Variants in IRF4 observed in about 807,000 individuals in gnomAD.
IRF4 encodes lymphocyte-specific interferon regulatory factor.
A neutral mutation model predicts 55.5 loss-of-function variants in IRF4; 13 were observed. The ratio of observed to expected loss-of-function variants is 0.23; its 90% confidence interval spans 0.15 to 0.37. The LOEUF is 0.37. Ranked by LOEUF, IRF4 falls within the 10% of genes least tolerant of loss-of-function variation. The pLI, the probability that IRF4 is intolerant of heterozygous loss-of-function variation, is 1.00. For missense variants in IRF4, 397 were observed against 593.8 expected (o/e 0.67, Z 3.44); for synonymous variants, 249 against 240.7 (o/e 1.03, Z -0.32).
Position 410,046 on chromosome 6 carries a change from T to A in IRF4, c.*2448T>A, listed in dbSNP as rs187292345. 71 of 227,072 alleles carry A rather than the reference T, an allele frequency of 3.1e-4. No homozygotes were observed. In the East Asian group the frequency reaches 4.3e-3, roughly 14 times the overall value. The allele number at this position is 227,072 out of a possible 1,614,324, so 14.1% of individuals were successfully genotyped here. A position where few individuals can be genotyped will look rare whatever the true frequency, so the allele number is the denominator to read the frequency against. ...GGTATGACCTAGGGAATGAACTAGC[T>A]ATGAAATACTCAGGGTTAGGAATCC... On this transcript the variant is annotated 3_prime_UTR_variant, in exon 9 of 9. Transcript: ENST00000380956.
intron 6 of IRF4, among the ~76,000 whole-genome samples, chr6:399,334 G>T (rs761109062): frequency 3.9e-5 from 6 of 152,128 alleles, no homozygotes; most frequent in Non-Finnish European, 5.9e-5. Flanking sequence ...CTTCCAGGTT[G>T]AGCCACAAAT....
Position 396,020 on chromosome 6 carries a change from C to T in IRF4, c.492+85C>T, listed in dbSNP as rs934455833. The stretch of plus-strand genomic sequence containing the variant: ...GGCCAGAGAACCACAGCAGCCCAGA[C>T]AGCAGAACTTGCCATTTGCTATGGC... On this transcript the variant is annotated intron_variant, in intron 4 of 8. Transcript: ENST00000380956. 6.5e-6 allele frequency: 7 copies of T among 1,082,774 alleles called. No homozygotes were observed. In the African/African-American group the frequency reaches 1.1e-4, roughly 17 times the overall value. 67.1% of individuals were successfully genotyped at this position (1,082,774 alleles called of 1,614,324 possible). A position where few individuals can be genotyped will look rare whatever the true frequency, so the allele number is the denominator to read the frequency against.
intron 8 of IRF4, 98 bp from the exon 9 acceptor site, chr6:407,357 G>T: frequency 8.7e-7 from 1 of 1,153,816 alleles, no homozygotes; most frequent in Non-Finnish European, 1.2e-6. Flanking sequence ...TGTAACTTTG[G>T]GCTTTACGTT....
At chr6:398,276 T>TTC (rs1237662919) in intron 5 of IRF4, among the ~76,000 whole-genome samples, 1 of 152,238 alleles carries the variant, frequency 6.6e-6, no homozygotes, top group East Asian at 1.9e-4. Flanking sequence ...GAGACCTGTC[T>TTC]TGAAGCATCG....
chr6:393,926 T>G lies in IRF4; in HGVS notation c.216+558T>G, dbSNP rs1761190695. Among the ~76,000 whole-genome samples the G allele has an allele frequency of 6.6e-6, 1 of 152,174 alleles. No homozygotes were observed. The highest frequency in any genetic ancestry group is 2.4e-5 in the African/African-American group (1 of 41,450). ...GGTACTCCCACCTCTGTCTTTCTCT[T>G]TGTGTGTCTCTGTCTCTCTCTTTCC... On this transcript the variant is annotated intron_variant, in intron 2 of 8. Transcript: ENST00000380956. The surrounding 1 kb of genome is among the most constrained non-coding windows in gnomAD (Gnocchi z 5.4).
At chr6:392,718 G>A (rs1157335328) in intron 1 of IRF4, among the ~76,000 whole-genome samples, 2 of 152,190 alleles carry the variant, frequency 1.3e-5, no homozygotes, top group Non-Finnish European at 2.9e-5. Flanking sequence ...CGGGTTGGGA[G>A]TGAGCGAAGG....
chr6:409,084 T>C lies in IRF4; in HGVS notation c.*1486T>C. 1 of 216,706 alleles carries C rather than the reference T, an allele frequency of 4.6e-6. No individual in the cohort carries two copies. The highest frequency in any genetic ancestry group is 6.7e-5 in the East Asian group (1 of 14,864). The allele number at this position is 216,706 out of a possible 1,614,324, so 13.4% of individuals were successfully genotyped here. On this transcript the variant is annotated 3_prime_UTR_variant, in exon 9 of 9. Transcript: ENST00000380956. ...TATTACTCCCAGGATCAGCAGAAGA[T>C]TGCGTAGCTCTCAAATGTGTGTTCC...
chr6:407,129 AT>A (rs1761566882), intron 8 of IRF4, among the ~76,000 whole-genome samples: 1 of 152,228 alleles, frequency 6.6e-6, no homozygotes, highest in Non-Finnish European at 1.5e-5. Flanking sequence ...TACCCTGCAG[AT>A]TCCCTCAGAC....
chr6:400,159 T>G (rs555739154), intron 6 of IRF4, among the ~76,000 whole-genome samples: 3 of 152,318 alleles, frequency 2.0e-5, no homozygotes, highest in South Asian at 4.1e-4. Context: ...GGGTTAAGTC[T>G]CAAAACCTGC....
In IRF4 at chr6:393,010, G is replaced by A. The variant is rs1238126317; in HGVS notation, c.-55-88G>A. On this transcript the variant is annotated intron_variant, in intron 1 of 8. Transcript: ENST00000380956. This position sits in a 1 kb window ranked among gnomAD's most constrained non-coding sequence, Gnocchi z 5.4. ...GCGCTTCGCAGCCTCAAAGACTCCGGGGCCTCGTGGTCACTGGCGCAGGGG... is the reference window on the plus strand; with the variant it reads ...GCGCTTCGCAGCCTCAAAGACTCCGAGGCCTCGTGGTCACTGGCGCAGGGG... 2.7e-6 allele frequency: 2 copies of A among 737,804 alleles called. No individual in the cohort carries two copies. The highest frequency in any genetic ancestry group is 1.8e-5 in the African/African-American group (1 of 54,376). The allele number at this position is 737,804 out of a possible 1,614,324, so 45.7% of individuals were successfully genotyped here. A position where few individuals can be genotyped will look rare whatever the true frequency, so the allele number is the denominator to read the frequency against.
At chr6:392,035 C>T (rs1273736806) in intron 1 of IRF4, 2 of 346,820 alleles carry the variant, frequency 5.8e-6, no homozygotes, top group Non-Finnish European at 1.2e-5. Context: ...CCGAGCCTCC[C>T]CGCCTGCCCT....
Position 408,469 on chromosome 6 carries a change from G to A in IRF4, c.*871G>A, listed in dbSNP as rs1263406487. ...CCTATTTTCTTGAGTCAAAAAACAT[G>A]AGCGCTACTCTTGGATGGGACATTT... is the stretch of plus-strand genomic sequence containing the variant. On this transcript the variant is annotated 3_prime_UTR_variant, in exon 9 of 9. Transcript: ENST00000380956. 1 of 229,898 alleles carries A rather than the reference G, an allele frequency of 4.3e-6. No homozygotes were observed. Among genetic ancestry groups the A allele is most frequent in the African/African-American group, 2.2e-5 (1 of 45,222 alleles). The allele number at this position is 229,898 out of a possible 1,614,324, so 14.2% of individuals were successfully genotyped here.
chr6:409,873 C>T lies in IRF4; in HGVS notation c.*2275C>T. The T allele has an allele frequency of 4.4e-6, 1 of 228,998 alleles. No individual in the cohort carries two copies. The highest frequency in any genetic ancestry group is 8.7e-6 in the Non-Finnish European group (1 of 115,190). 14.2% of individuals were successfully genotyped at this position (228,998 alleles called of 1,614,324 possible). A position where few individuals can be genotyped will look rare whatever the true frequency, so the allele number is the denominator to read the frequency against. ...ATGCTCCATTTCAATTGCTTTGTGA[C>T]TTCTTCTTCTTTGTTTTTTTAAATA... On this transcript the variant is annotated 3_prime_UTR_variant, in exon 9 of 9. Transcript: ENST00000380956.
chr6:396,934 TCTCCTGCACTCCTTTAC>T (rs376629608), intron 4 of IRF4, among the ~76,000 whole-genome samples, 157 bp from the exon 5 acceptor site: 67 of 113,634 alleles, frequency 5.9e-4, no homozygotes, highest in East Asian at 4.2e-3. Context: ...TATCTCAGCC[TCTCCTGCACTCCTTTAC>T]CCCCGTCTCG....
chr6:392,480 C>T (rs781221777), intron 1 of IRF4, among the ~76,000 whole-genome samples: 5 of 152,282 alleles, frequency 3.3e-5, no homozygotes, highest in Non-Finnish European at 7.3e-5. Flanking sequence ...GGGCTGCAGC[C>T]CCCGCGTCTG....
At position 410,125 on chromosome 6, in the gene IRF4, A is replaced by G. The variant is rs186804354; in HGVS notation, c.*2527A>G. 6.0e-4 allele frequency: 137 copies of G among 227,892 alleles called. No individual in the cohort carries two copies. The highest frequency in any genetic ancestry group is 5.9e-4 in the Non-Finnish European group (68 of 114,616). The allele number at this position is 227,892 out of a possible 1,614,324, so 14.1% of individuals were successfully genotyped here. On this transcript the variant is annotated 3_prime_UTR_variant, in exon 9 of 9. Transcript: ENST00000380956. ...AACGGCTTCCTCATTCCTTGTCTTG[A>G]TAAAGTGGAATTGGCAAACTAGAAT...
rs1391554407 is a variant in IRF4 at position 404,035 on chromosome 6, G to A, written c.1100-983G>A. On this transcript the variant is annotated intron_variant, in intron 7 of 8. Coordinates refer to ENST00000380956, the MANE Select transcript of IRF4 (RefSeq NM_002460.4). ...CTGTTCAGTTGAAGAGAACAGTGGA[G>A]ATCTTTGATATCTTCCTATTCAGGT... 2.6e-5 allele frequency among the ~76,000 whole-genome samples: 4 copies of A among 152,198 alleles called. No individual in the cohort carries two copies. The East Asian group carries it at 5.8e-4, about 22-fold the overall frequency.
chr6:403,959 A>G (rs897823607), intron 7 of IRF4, among the ~76,000 whole-genome samples: 1 of 134,686 alleles, frequency 7.4e-6, no homozygotes, highest in Admixed American at 7.3e-5. Context: ...TGAATTCTGG[A>G]AAAAAAAAAA....
chr6:393,465 C>A lies in IRF4; in HGVS notation c.216+97C>A. The A allele has an allele frequency of 3.5e-6, 3 of 848,338 alleles. No homozygotes were observed. Among genetic ancestry groups the A allele is most frequent in the South Asian group, 4.4e-5 (1 of 22,810 alleles). 52.6% of individuals were successfully genotyped at this position (848,338 alleles called of 1,614,324 possible). On this transcript the variant is annotated intron_variant, in intron 2 of 8. Coordinates refer to ENST00000380956, the MANE Select transcript of IRF4 (RefSeq NM_002460.4). The surrounding 1 kb of genome is among the most constrained non-coding windows in gnomAD (Gnocchi z 5.4). ...CGCCTCCGAGGCGAGCCCAGGGGACCGCGCGGGGCGGACGGGCGGGCGGCG... is the reference window on the plus strand; with the variant it reads ...CGCCTCCGAGGCGAGCCCAGGGGACAGCGCGGGGCGGACGGGCGGGCGGCG...
Sources: gnomAD v4.1 joint callset for allele counts (sites outside exome capture counted in the v4.1 genomes callset) on GRCh38, gnomAD v4.1.1 for gene constraint, Gnocchi (gnomAD v3.1) non-coding constraint, MANE v1.5 for transcripts, NCBI Gene and HGNC (gene_info 2026-07-23, HGNC 2026-07-21) for gene names.